The following ANGPTL1 variants were observed in gnomAD, a reference collection of about 807,000 sequenced individuals.
ANGPTL1 encodes the protein angiopoietin like 1.
In ANGPTL1, 36 loss-of-function variants were observed where a neutral mutation model predicts 46.7. The observed-to-expected ratio is 0.77, with a 90% CI of 0.59 to 1.02. The LOEUF (loss-of-function observed/expected upper bound fraction) is 1.02, where lower values mean the gene tolerates loss of function less well. Ranked by LOEUF, ANGPTL1 falls within the 50% of genes least tolerant of loss-of-function variation. The pLI is 0.00. For missense variants in ANGPTL1, 571 were observed against 594.7 expected (o/e 0.96, Z 0.41); for synonymous variants, 221 against 204.3 (o/e 1.08, Z -0.69).
chr1:178,855,069 T>C (rs1300060453), intron 3 of ANGPTL1, among the ~76,000 whole-genome samples: 2 of 152,110 alleles, frequency 1.3e-5, no homozygotes, highest in African/African-American at 4.8e-5. Flanking sequence ...TATGTGAGAG[T>C]TTAGTCAAGT....
chr1:178,858,096 C>T (rs978488761), intron 3 of ANGPTL1, among the ~76,000 whole-genome samples: 3 of 152,116 alleles, frequency 2.0e-5, no homozygotes. Flanking sequence ...TTTTCCAGAA[C>T]ATATGGATAA....
chr1:178,868,126 T>G (rs1658533945), intron 2 of ANGPTL1, among the ~76,000 whole-genome samples: 1 of 152,024 alleles, frequency 6.6e-6, no homozygotes, highest in Non-Finnish European at 1.5e-5. Context: ...TAGCTTTTTA[T>G]GTTTTCATAC....
At chr1:178,857,400 T>C (rs1419197542) in intron 3 of ANGPTL1, among the ~76,000 whole-genome samples, 1 of 152,224 alleles carries the variant, frequency 6.6e-6, no homozygotes, top group East Asian at 1.9e-4. Flanking sequence ...AGGACTGTTT[T>C]AGGCTCAAGG....
At chr1:178,856,944 G>GA (rs1465539866) in intron 3 of ANGPTL1, among the ~76,000 whole-genome samples, 1 of 152,030 alleles carries the variant, frequency 6.6e-6, no homozygotes, top group Non-Finnish European at 1.5e-5. Flanking sequence ...AATGTGCTTG[G>GA]AAAAAATCCC....
intron 3 of ANGPTL1, among the ~76,000 whole-genome samples, chr1:178,854,858 C>G (rs1657422840): frequency 6.6e-6 from 1 of 152,254 alleles, no homozygotes; most frequent in South Asian, 2.1e-4. Flanking sequence ...TGTGAAATTA[C>G]TTTTAGGGTG....
In ANGPTL1 at chr1:178,868,352, A is replaced by G. The variant is rs551974380; in HGVS notation, c.-27+762T>C. On this transcript the variant is annotated intron_variant, in intron 2 of 5. Transcript: ENST00000234816. ...GGCACATGCATATCATTTTTCCTAT[A>G]TATTTAATTTAACTTACCACTGCTA... is the stretch of plus-strand genomic sequence containing the variant. 3.9e-5 allele frequency among the ~76,000 whole-genome samples: 6 copies of G among 152,058 alleles called. No individual in the cohort carries two copies. The South Asian group carries it at 1.2e-3, about 31-fold the overall frequency.
chr1:178,853,830 G>A, intron 3 of ANGPTL1, 43 bp from the exon 4 acceptor site: 1 of 1,442,878 alleles, frequency 6.9e-7, no homozygotes, highest in Non-Finnish European at 9.2e-7. Context: ...CTTAATATGA[G>A]AAGAGACATG....
At chr1:178,852,658 A>G (rs763920096) in intron 5 of ANGPTL1, 25 bp downstream of exon 5, 3 of 1,594,394 alleles carry the variant, frequency 1.9e-6, no homozygotes, top group African/African-American at 1.4e-5. Flanking sequence ...TGATTCTACA[A>G]AGAATGAAAG....
chr1:178,853,604 T>C lies in ANGPTL1; in HGVS notation c.1007A>G (p.Glu336Gly), dbSNP rs1257584352. The change falls in exon 4 of 6, where the codon GAA becomes GGA. Residue 336 changes from glutamate (E) to glycine (G), a missense_variant. By Grantham distance (98) the Glu-to-Gly change is moderately conservative (BLOSUM62 -2). Coordinates refer to ENST00000234816, the MANE Select transcript of ANGPTL1 (RefSeq NM_004673.4). ...DGSVNFFRNW[E>G]NYKKGFGNID... The stretch of plus-strand genomic sequence containing the variant: ...GCATCACTGATTTACCTTATAATTT[T>C]CCCAATTTCTGAAGAAGTTGACAGA... The C allele has an allele frequency of 1.3e-6, 2 of 1,595,836 alleles. No individual in the cohort carries two copies. The highest frequency in any genetic ancestry group is 1.7e-6 in the Non-Finnish European group (2 of 1,173,828).
chr1:178,858,827 TA>T (rs1372025558), intron 3 of ANGPTL1, among the ~76,000 whole-genome samples: 3 of 152,220 alleles, frequency 2.0e-5, no homozygotes, highest in African/African-American at 7.2e-5. Flanking sequence ...GAGCCATCTG[TA>T]ACATATGTGT....
At chr1:178,863,807 AG>A (rs1325229806) in intron 3 of ANGPTL1, among the ~76,000 whole-genome samples, 1 of 152,250 alleles carries the variant, frequency 6.6e-6, no homozygotes, top group Non-Finnish European at 1.5e-5. Context: ...ATTAAAATGT[AG>A]AAGGCCAGGA....
intron 4 of ANGPTL1, 26 bp from the exon 5 acceptor site, chr1:178,852,979 T>C: frequency 1.3e-6 from 2 of 1,586,654 alleles, no homozygotes; most frequent in Non-Finnish European, 1.7e-6. Context: ...GAAACATGAG[T>C]GCATAAATAA....
In ANGPTL1 at chr1:178,864,605, G is replaced by A. The variant is rs528093840; in HGVS notation, c.823+349C>T. On this transcript the variant is annotated intron_variant, in intron 3 of 5. Transcript: ENST00000234816. ...AATAAAAGAATTGTCGGGTAGCAGC[G>A]ACGACCTAGCTAGAAGCTGATAGGA... 8.5e-5 allele frequency among the ~76,000 whole-genome samples: 13 copies of A among 152,242 alleles called. No homozygotes were observed. In the East Asian group the frequency reaches 2.5e-3, roughly 29 times the overall value.
chr1:178,865,541 A>T lies in ANGPTL1; in HGVS notation c.236T>A (p.Met79Lys), dbSNP rs1348181502. Reference sequence around the variant, plus strand: ...GTTTTCAAGGTCCATCCTGGTGATCATGTCTTTAATGGTACTTGCATCTTG... The same window carrying T: ...GTTTTCAAGGTCCATCCTGGTGATCTTGTCTTTAATGGTACTTGCATCTTG... The part of the protein sequence containing the change: ...KGQDASTIKD[M>K]ITRMDLENLK... Residue 79 changes from methionine (M) to lysine (K), a missense_variant, in exon 3 of 6, where the codon ATG becomes AAG. Met to Lys is a moderately conservative substitution (Grantham distance 95). Transcript: ENST00000234816. The T allele has an allele frequency of 1.2e-6, 2 of 1,614,088 alleles. No individual in the cohort carries two copies. The highest frequency in any genetic ancestry group is 1.7e-6 in the Non-Finnish European group (2 of 1,180,010).
chr1:178,863,388 A>ATG (rs56164196), intron 3 of ANGPTL1, among the ~76,000 whole-genome samples: 1 of 45,644 alleles, frequency 2.2e-5, no homozygotes, highest in Non-Finnish European at 4.4e-5. Flanking sequence ...GGAGACAGAC[A>ATG]TAAATAAATA....
At chr1:178,868,435 TAAATA>T (rs1658552395) in intron 2 of ANGPTL1, among the ~76,000 whole-genome samples, 1 of 151,938 alleles carries the variant, frequency 6.6e-6, no homozygotes, top group South Asian at 2.1e-4. Context: ...TTATTTTACT[TAAATA>T]ATATTTACTA....
At position 178,851,117 on chromosome 1, in the gene ANGPTL1, G is replaced by A. The variant is rs759806603; in HGVS notation, c.*12C>T. 7.5e-6 allele frequency: 12 copies of A among 1,606,748 alleles called. No individual in the cohort carries two copies. The highest frequency in any genetic ancestry group is 4.0e-5 in the African/African-American group (3 of 74,646). ...AAAGTTCTGTGTCATTTAAATTGGC[G>A]AGTGTCTCTCTTCAGTCAATAGGCT... On this transcript the variant is annotated 3_prime_UTR_variant, in exon 6 of 6. Transcript: ENST00000234816.
intron 3 of ANGPTL1, among the ~76,000 whole-genome samples, chr1:178,864,742 A>C (rs972258470): frequency 1.3e-5 from 2 of 152,136 alleles, no homozygotes; most frequent in African/African-American, 4.8e-5. Context: ...TTTTTCACAG[A>C]ATACATTAAG....
At chr1:178,864,759 T>C (rs754593455) in intron 3 of ANGPTL1, among the ~76,000 whole-genome samples, 195 bp downstream of exon 3, 5 of 152,120 alleles carry the variant, frequency 3.3e-5, no homozygotes, top group Non-Finnish European at 5.9e-5. Context: ...TAAGTTTTTA[T>C]AAACTCCTGG....
Sources: gnomAD v4.1 joint callset for allele counts (sites outside exome capture counted in the v4.1 genomes callset) on GRCh38, gnomAD v4.1.1 for gene constraint, MANE v1.5 for transcripts, NCBI Gene and HGNC (gene_info 2026-07-23, HGNC 2026-07-21) for gene names.